The following ZFHX3 variants were observed in gnomAD, a reference collection of about 807,000 sequenced individuals.
The protein encoded by ZFHX3 is zinc finger homeobox 3, also known as zinc finger homeobox protein 3.
In ZFHX3, 42 loss-of-function variants were observed where a neutral mutation model predicts 279.1. The ratio of observed to expected loss-of-function variants is 0.15; its 90% CI spans 0.12 to 0.19. The LOEUF is 0.19. Among genes scored for constraint, ZFHX3 ranks in the 10% least tolerant of loss-of-function variants. The pLI is 1.00. For synonymous variants in ZFHX3, 2,293 were observed against 1,957.8 expected, an observed-to-expected ratio of 1.17 and a Z score of -4.52; for missense variants, 4,981 against 4,754.0, an observed-to-expected ratio of 1.05 and a Z score of -1.40.
chr16:72,829,903 A>T, intron 4 of ZFHX3, 44 bp from the exon 5 acceptor site: 2 of 1,609,922 alleles, frequency 1.2e-6, no homozygotes, highest in Non-Finnish European at 1.7e-6. Context: ...AATAAAAAGA[A>T]GATGAAGGAC....
At chr16:73,586,935 T>C (rs902917132) in intron 2 of ZFHX3, among the ~76,000 whole-genome samples, 1 of 152,206 alleles carries the variant, frequency 6.6e-6, no homozygotes, top group African/African-American at 2.4e-5. Context: ...AATTGGGCTG[T>C]TTTTGCTATT....
At chr16:73,453,779 G>C (rs1229425989) in intron 3 of ZFHX3, among the ~76,000 whole-genome samples, 1 of 152,222 alleles carries the variant, frequency 6.6e-6, no homozygotes, top group Non-Finnish European at 1.5e-5. Context: ...AAGGTGAAAA[G>C]CATGTCTTAC....
chr16:73,523,851 C>T (rs2019648249), intron 2 of ZFHX3, among the ~76,000 whole-genome samples: 1 of 151,962 alleles, frequency 6.6e-6, no homozygotes, highest in African/African-American at 2.4e-5. Context: ...AATATAGAAG[C>T]AGAGGTGGTT....
intron 1 of ZFHX3, chr16:73,815,642 A>T (rs1269548127): frequency 1.3e-5 from 2 of 151,402 alleles, no homozygotes; most frequent in African/African-American, 4.9e-5. Flanking sequence ...GCTCACTGCA[A>T]CCTCCATCTC....
At chr16:73,472,864 T>C (rs1344285055) in intron 2 of ZFHX3, among the ~76,000 whole-genome samples, 2 of 152,190 alleles carry the variant, frequency 1.3e-5, no homozygotes, top group Non-Finnish European at 2.9e-5. Context: ...TGGTTCCTTC[T>C]ATTGCCACCT....
Position 72,915,236 on chromosome 16 carries a change from G to A in ZFHX3, c.3217-25274C>T, listed in dbSNP as rs114872660. Among the ~76,000 whole-genome samples, 1,279 of 152,226 alleles carry A rather than the reference G, an allele frequency of 8.4e-3. 20 individuals carry two copies. Among genetic ancestry groups the A allele is most frequent in the African/African-American group, 0.029 (1,224 of 41,536 alleles). On this transcript the variant is annotated intron_variant, in intron 3 of 9. Coordinates refer to ENST00000268489, the MANE Select transcript of ZFHX3 (RefSeq NM_006885.4). ...CTTTTGTTTTCCCATTGTGTCAACT[G>A]CAAAAATTTGCCTTTAAAAAAATGA... is the stretch of plus-strand genomic sequence containing the variant.
intron 5 of ZFHX3, among the ~76,000 whole-genome samples, chr16:73,160,185 C>G (rs924097940): frequency 1.3e-5 from 2 of 152,168 alleles, no homozygotes; most frequent in Non-Finnish European, 2.9e-5. Flanking sequence ...CTTTCCTTAT[C>G]CAAACTAGAA....
At chr16:73,095,989 C>A (rs1225920749) in intron 7 of ZFHX3, among the ~76,000 whole-genome samples, 1 of 152,112 alleles carries the variant, frequency 6.6e-6, no homozygotes, top group Non-Finnish European at 1.5e-5. Flanking sequence ...AATAAAAGCA[C>A]AGGAAAACAG....
chr16:73,188,839 G>A (rs1009528691), intron 5 of ZFHX3, among the ~76,000 whole-genome samples: 1 of 151,678 alleles, frequency 6.6e-6, no homozygotes, highest in Admixed American at 6.6e-5. Flanking sequence ...TATTTACAGG[G>A]AGGCTAGCGT....
chr16:72,842,159 T>C (rs1376387703), intron 4 of ZFHX3, among the ~76,000 whole-genome samples: 1 of 152,074 alleles, frequency 6.6e-6, no homozygotes, highest in Non-Finnish European at 1.5e-5. Flanking sequence ...GACAGAAAAA[T>C]CCTTACTTCA....
chr16:73,718,855 C>G lies in ZFHX3; in HGVS notation c.-1607-38615G>C, dbSNP rs375948770. ...GGTCTCAAACTCCTGACCTCGTGATCTGCCCGCCTCGACCTCCCAAAGTGC... is the reference window on the plus strand; with the variant it reads ...GGTCTCAAACTCCTGACCTCGTGATGTGCCCGCCTCGACCTCCCAAAGTGC... On this transcript the variant is annotated intron_variant, in intron 1 of 17. Coordinates refer to the ZFHX3 transcript ENST00000641206. Among the ~76,000 whole-genome samples the G allele has an allele frequency of 1.5e-4, 23 of 152,218 alleles. No individual in the cohort carries two copies. In the East Asian group the frequency reaches 3.7e-3, roughly 24 times the overall value.
intron 2 of ZFHX3, among the ~76,000 whole-genome samples, chr16:73,586,458 A>T (rs969848916): frequency 6.6e-6 from 1 of 152,012 alleles, no homozygotes. Flanking sequence ...GAGGTAAAAA[A>T]AAAAAACCAT....
intron 3 of ZFHX3, among the ~76,000 whole-genome samples, chr16:72,916,123 A>G (rs1029449896): frequency 6.6e-6 from 1 of 152,254 alleles, no homozygotes; most frequent in East Asian, 1.9e-4. Context: ...AAAAGAGAGC[A>G]GTGAATCACT....
At chr16:73,021,166 C>G (rs1964284211) in intron 1 of ZFHX3, among the ~76,000 whole-genome samples, 1 of 152,156 alleles carries the variant, frequency 6.6e-6, no homozygotes, top group Non-Finnish European at 1.5e-5. Flanking sequence ...GCTAAGTAGA[C>G]ATATAGTGGC....
At chr16:72,836,248 T>C (rs2037189404) in intron 4 of ZFHX3, among the ~76,000 whole-genome samples, 1 of 152,180 alleles carries the variant, frequency 6.6e-6, no homozygotes, top group African/African-American at 2.4e-5. Flanking sequence ...TCTCATCGAA[T>C]AGTGACCACA....
rs528669654 is a variant in ZFHX3 at position 73,869,794 on chromosome 16, G to A, written c.-1608+21857C>T. 3.3e-5 allele frequency among the ~76,000 whole-genome samples: 5 copies of A among 152,288 alleles called. No individual in the cohort carries two copies. The South Asian group carries it at 1.0e-3, about 32-fold the overall frequency. ...GAGAAACCAAAAGGAACTTCATAAT[G>A]TTTAACCGGGCTTCCTGTTTATTTA... is the stretch of plus-strand genomic sequence containing the variant. On this transcript the variant is annotated intron_variant, in intron 1 of 17. Coordinates refer to the ZFHX3 transcript ENST00000641206.
At chr16:73,711,373 G>A (rs570580815) in intron 1 of ZFHX3, among the ~76,000 whole-genome samples, 2 of 152,180 alleles carry the variant, frequency 1.3e-5, no homozygotes, top group Non-Finnish European at 2.9e-5. Flanking sequence ...GACTCCCATA[G>A]TAATATTTGT....
intron 4 of ZFHX3, among the ~76,000 whole-genome samples, chr16:73,286,354 C>T (rs2143079060): frequency 6.6e-6 from 1 of 152,342 alleles, no homozygotes; most frequent in South Asian, 2.1e-4. Flanking sequence ...ATTCAGAACC[C>T]TATAGATTGG....
rs149364436 is a variant in ZFHX3 at position 73,716,300 on chromosome 16, C to T, written c.-1607-36060G>A. 3.1e-3 allele frequency among the ~76,000 whole-genome samples: 469 copies of T among 152,110 alleles called. 4 individuals are homozygous for T. The highest frequency in any genetic ancestry group is 0.01 in the African/African-American group (428 of 41,496). On this transcript the variant is annotated intron_variant, in intron 1 of 17. Coordinates refer to the ZFHX3 transcript ENST00000641206. ...GATCACTAAAATGAGAGATTTGGAA[C>T]GTAAAGAAAATTCTAACACAGCCCA...
Sources: allele counts gnomAD v4.1 joint callset (sites outside exome capture counted in the v4.1 genomes callset), GRCh38; gene constraint gnomAD v4.1.1; transcripts MANE v1.5; gene names NCBI Gene and HGNC (gene_info 2026-07-23, HGNC 2026-07-21).